PPM1H: variants seen among roughly 807,000 people sequenced by gnomAD.
The protein encoded by PPM1H is protein phosphatase, Mg2+/Mn2+ dependent 1H.
Under a neutral mutation model 54.9 loss-of-function variants are expected in PPM1H, and 27 were observed. The ratio of observed to expected loss-of-function variants is 0.49; its 90% confidence interval spans 0.36 to 0.68. PPM1H has a LOEUF of 0.68. PPM1H is among the 30% of genes least tolerant of loss of function. PPM1H has a pLI of 0.00. For synonymous variants in PPM1H, 305 were observed against 270.8 expected, an observed-to-expected ratio of 1.13 and a Z score of -1.24; for missense variants, 596 against 667.8, an observed-to-expected ratio of 0.89 and a Z score of 1.19.
chr12:62,921,163 G>A (rs1321586766), intron 1 of PPM1H, among the ~76,000 whole-genome samples: 1 of 151,904 alleles, frequency 6.6e-6, no homozygotes, highest in Non-Finnish European at 1.5e-5. Flanking sequence ...GATCTCAGGT[G>A]ATCCACCCGC....
chr12:62,806,705 C>T (rs2076807651), intron 2 of PPM1H, among the ~76,000 whole-genome samples: 1 of 152,180 alleles, frequency 6.6e-6, no homozygotes, highest in Non-Finnish European at 1.5e-5. Flanking sequence ...TCACCTTCCA[C>T]CACGACTGAA....
chr12:62,722,862 C>A (rs2076271220), intron 5 of PPM1H, among the ~76,000 whole-genome samples: 1 of 152,088 alleles, frequency 6.6e-6, no homozygotes, highest in African/African-American at 2.4e-5. Flanking sequence ...TGTGTGTGTG[C>A]ATGAACTTGT....
rs752270015 is a variant in PPM1H, at chr12:62,720,221, T to C, written c.1023A>G (p.Arg341=). 2 of 1,613,800 alleles carry C rather than the reference T, an allele frequency of 1.2e-6. No homozygotes were observed. The highest frequency in any genetic ancestry group is 8.5e-7 in the Non-Finnish European group (1 of 1,179,682). ...AGAGCATCTTCTTTCCAAGCTCCTT[T>C]CTCTGTACTCTCCTTGGAAACTCCA... is the stretch of plus-strand genomic sequence containing the variant. ...THLEFPRRVQ[R]KELGKKMLYR... The change falls in exon 6 of 10, where the codon AGA becomes AGG. Residue 341 remains arginine, a synonymous_variant. Coordinates refer to ENST00000228705, the MANE Select transcript of PPM1H (RefSeq NM_020700.2).
intron 6 of PPM1H, among the ~76,000 whole-genome samples, chr12:62,711,088 C>G (rs1385672409): frequency 6.6e-6 from 1 of 152,134 alleles, no homozygotes; most frequent in Non-Finnish European, 1.5e-5. Context: ...ACTTCCTGGG[C>G]TCAAGTGTTC....
At chr12:62,821,189 T>C (rs542587912) in intron 2 of PPM1H, among the ~76,000 whole-genome samples, 3 of 151,942 alleles carry the variant, frequency 2.0e-5, no homozygotes, top group African/African-American at 7.3e-5. Context: ...AAGATCAAAT[T>C]AATGAAACAA....
At chr12:62,911,520 A>G (rs116177923) in intron 1 of PPM1H, among the ~76,000 whole-genome samples, 106 of 152,324 alleles carry the variant, frequency 7.0e-4, no homozygotes, top group African/African-American at 2.4e-3. Context: ...GAGATCTTAC[A>G]GTGTGTGAGG....
intron 8 of PPM1H, among the ~76,000 whole-genome samples, chr12:62,668,003 A>G (rs1483216114): frequency 6.6e-6 from 1 of 152,220 alleles, no homozygotes; most frequent in Non-Finnish European, 1.5e-5. Flanking sequence ...GGCTCACAGA[A>G]GATACACGCT....
At chr12:62,780,682 C>T (rs900069073) in intron 4 of PPM1H, among the ~76,000 whole-genome samples, 2 of 152,192 alleles carry the variant, frequency 1.3e-5, no homozygotes, top group African/African-American at 4.8e-5. Flanking sequence ...GGTATTTACC[C>T]ACTTTCCCAG....
At chr12:62,730,416 G>T (rs1461418057) in intron 5 of PPM1H, among the ~76,000 whole-genome samples, 1 of 152,272 alleles carries the variant, frequency 6.6e-6, no homozygotes, top group Middle Eastern at 3.4e-3. Context: ...CTTTTTCAAA[G>T]GAGTTGTTCC....
At chr12:62,805,352 C>T (rs144420833) in intron 2 of PPM1H, among the ~76,000 whole-genome samples, 2 of 152,288 alleles carry the variant, frequency 1.3e-5, no homozygotes, top group African/African-American at 4.8e-5. Flanking sequence ...AATTTTACTG[C>T]TGGTTATATA....
At chr12:62,650,735 G>A (rs1048465426) in intron 9 of PPM1H, among the ~76,000 whole-genome samples, 2 of 152,112 alleles carry the variant, frequency 1.3e-5, no homozygotes, top group African/African-American at 4.8e-5. Flanking sequence ...TGAGTGAAGG[G>A]GGGAAATGCC....
chr12:62,689,639 G>A (rs1019218929), intron 8 of PPM1H, 60 bp downstream of exon 8: 2 of 1,299,632 alleles, frequency 1.5e-6, no homozygotes, highest in Non-Finnish European at 2.2e-6. Context: ...TGAGTCACAG[G>A]AGGAATAACG....
chr12:62,833,351 A>G (rs1168623466), intron 1 of PPM1H, among the ~76,000 whole-genome samples: 2 of 152,220 alleles, frequency 1.3e-5, no homozygotes, highest in African/African-American at 4.8e-5. Flanking sequence ...TTTTCAAATG[A>G]CTTTTTAAAA....
chr12:62,851,625 C>G (rs1021876257), intron 1 of PPM1H, among the ~76,000 whole-genome samples: 3 of 151,806 alleles, frequency 2.0e-5, no homozygotes, highest in African/African-American at 7.3e-5. Context: ...ATCACTTGAA[C>G]CCGGGGGGTG....
At chr12:62,719,979 G>A (rs1373664443) in intron 6 of PPM1H, among the ~76,000 whole-genome samples, 192 bp downstream of exon 6, 2 of 152,222 alleles carry the variant, frequency 1.3e-5, no homozygotes, top group Non-Finnish European at 2.9e-5. Flanking sequence ...AAGAAGCAGA[G>A]AGGCAAACCA....
chr12:62,744,030 C>T (rs2076396475), intron 4 of PPM1H, among the ~76,000 whole-genome samples: 1 of 152,076 alleles, frequency 6.6e-6, no homozygotes, highest in African/African-American at 2.4e-5. Flanking sequence ...ATAAAAGACT[C>T]AGTACATAGG....
chr12:62,715,547 T>A (rs1180460283), intron 6 of PPM1H, among the ~76,000 whole-genome samples: 7 of 152,080 alleles, frequency 4.6e-5, no homozygotes, highest in African/African-American at 1.7e-4. Flanking sequence ...CCTGCCAAGC[T>A]GCTCCACAGT....
intron 4 of PPM1H, among the ~76,000 whole-genome samples, chr12:62,782,229 C>A (rs2076646855): frequency 6.6e-6 from 1 of 152,166 alleles, no homozygotes; most frequent in Non-Finnish European, 1.5e-5. Context: ...TGGTGAAATC[C>A]ATGAACATAA....
chr12:62,934,592 GC>G lies in PPM1H; in HGVS notation c.144del (p.Leu49CysfsTer55). Reference sequence around the variant, plus strand: ...CTGCACTCCACCTCGTCCTGAGACAGCCCCAGGAACTCTGGCCGCCCGTAGG... The same window carrying G: ...CTGCACTCCACCTCGTCCTGAGACAGCCCAGGAACTCTGGCCGCCCGTAGG... ...RFPYGRPEFL[G>X]LSQDEVECSA... On this transcript the variant is annotated frameshift_variant, in exon 1 of 10. Coordinates refer to ENST00000228705, the MANE Select transcript of PPM1H (RefSeq NM_020700.2). LOFTEE classifies it high-confidence loss of function. The surrounding 1 kb of genome is among the most constrained non-coding windows in gnomAD (Gnocchi z 4.2). 2 of 1,569,912 alleles carry G rather than the reference GC, an allele frequency of 1.3e-6. No individual in the cohort carries two copies. Among genetic ancestry groups the G allele is most frequent in the Non-Finnish European group, 1.7e-6 (2 of 1,158,600 alleles).
Sources: gnomAD v4.1 joint callset for allele counts (sites outside exome capture counted in the v4.1 genomes callset) on GRCh38, gnomAD v4.1.1 for gene constraint, Gnocchi (gnomAD v3.1) non-coding constraint, MANE v1.5 for transcripts, NCBI Gene and HGNC (gene_info 2026-07-23, HGNC 2026-07-21) for gene names.